Variants in SLC44A5 observed in about 807,000 individuals in gnomAD.
SLC44A5 encodes choline transporter-like protein 5.
SLC44A5 carries 57 observed loss-of-function variants against 101.8 expected under a neutral mutation model. The observed-to-expected ratio is 0.56, with a 90% CI of 0.45 to 0.70. The LOEUF (loss-of-function observed/expected upper bound fraction) is 0.70. SLC44A5 is among the 30% of genes least tolerant of loss of function. The pLI is 0.00. For synonymous variants in SLC44A5, 281 were observed against 290.9 expected, an observed-to-expected ratio of 0.97 and a Z score of 0.35; for missense variants, 737 against 853.1, an observed-to-expected ratio of 0.86 and a Z score of 1.70.
intron 1 of SLC44A5, among the ~76,000 whole-genome samples, chr1:75,557,298 C>T (rs554772639): frequency 2.0e-5 from 3 of 152,172 alleles, no homozygotes; most frequent in African/African-American, 7.2e-5. Context: ...ATGGATTTGA[C>T]ACAGTGTAAG....
At chr1:75,644,138 G>T in the SLC44A5 span, among the ~76,000 whole-genome samples, 2 of 152,006 alleles carry the variant, frequency 1.3e-5, no homozygotes, top group Admixed American at 6.6e-5. Flanking sequence ...GCAAGATAAT[G>T]GACATGTTTT....
intron 1 of SLC44A5, among the ~76,000 whole-genome samples, chr1:75,581,590 G>T (rs1486519235): frequency 2.0e-5 from 3 of 152,200 alleles, no homozygotes; most frequent in Non-Finnish European, 2.9e-5. Flanking sequence ...ATGTGGGAAA[G>T]GGGTACAGTA....
Position 75,202,803 on chromosome 1 carries a change from T to C in SLC44A5, c.*924A>G, listed in dbSNP as rs865977117. 1 of 152,158 alleles carries C rather than the reference T, an allele frequency of 6.6e-6. No homozygotes were observed. The allele number at this position is 152,158 out of a possible 1,614,324, so 9.4% of individuals were successfully genotyped here. ...ACTGAGAAATGCAGTATTATACCTATTGTATTTTCAAAGATCTACTATAGA... is the reference window on the plus strand; with the variant it reads ...ACTGAGAAATGCAGTATTATACCTACTGTATTTTCAAAGATCTACTATAGA... On this transcript the variant is annotated 3_prime_UTR_variant, in exon 24 of 24. Coordinates refer to ENST00000370859, the MANE Select transcript of SLC44A5 (RefSeq NM_001130058.2).
At chr1:75,530,934 T>C (rs1204783751) in intron 2 of SLC44A5, among the ~76,000 whole-genome samples, 2 of 152,150 alleles carry the variant, frequency 1.3e-5, no homozygotes, top group Non-Finnish European at 2.9e-5. Flanking sequence ...TTAATGAATA[T>C]TAAAGTGAGG....
At chr1:75,659,459 A>G in the SLC44A5 span, among the ~76,000 whole-genome samples, 41,089 of 81,742 alleles carry the variant, frequency 0.5, 11,095 homozygotes, top group Middle Eastern at 0.62. Context: ...GAAGGAAGGA[A>G]GGAAGGAAGG....
chr1:75,354,368 G>A (rs1658909584), intron 3 of SLC44A5, among the ~76,000 whole-genome samples: 1 of 152,190 alleles, frequency 6.6e-6, no homozygotes, highest in African/African-American at 2.4e-5. Flanking sequence ...AGCTGTGTTG[G>A]GAGAGAAGCT....
At chr1:75,666,422 T>C in the SLC44A5 span, among the ~76,000 whole-genome samples, 1 of 152,020 alleles carries the variant, frequency 6.6e-6, no homozygotes, top group South Asian at 2.1e-4. Flanking sequence ...ACCAATAACA[T>C]GTTCTGAAAT....
intron 3 of SLC44A5, among the ~76,000 whole-genome samples, chr1:75,341,127 G>A (rs941551726): frequency 1.3e-5 from 2 of 152,200 alleles, no homozygotes; most frequent in Non-Finnish European, 2.9e-5. Context: ...TCCTTGCCAT[G>A]AACACTGGTG....
intron 2 of SLC44A5, among the ~76,000 whole-genome samples, chr1:75,536,392 G>T (rs1181336131): frequency 6.6e-6 from 1 of 151,736 alleles, no homozygotes; most frequent in Non-Finnish European, 1.5e-5. Context: ...GAGGTCAGGA[G>T]ATCGAGACCA....
At chr1:75,353,514 T>C (rs998697251) in intron 3 of SLC44A5, among the ~76,000 whole-genome samples, 2 of 152,218 alleles carry the variant, frequency 1.3e-5, no homozygotes, top group African/African-American at 2.4e-5. Context: ...TGGATCATAG[T>C]AGATGCTGAT....
At chr1:75,425,519 A>G (rs1342722782) in intron 2 of SLC44A5, among the ~76,000 whole-genome samples, 2 of 152,218 alleles carry the variant, frequency 1.3e-5, no homozygotes, top group African/African-American at 4.8e-5. Context: ...TGGAAAAGAA[A>G]GAGGCTGCAC....
the SLC44A5 span, among the ~76,000 whole-genome samples, chr1:75,694,907 G>A: frequency 2.6e-5 from 4 of 152,240 alleles, no homozygotes; most frequent in African/African-American, 7.2e-5. Context: ...AGTTGGTTGG[G>A]ACGCTCAGCA....
intron 4 of SLC44A5, among the ~76,000 whole-genome samples, chr1:75,318,678 T>C (rs956380641): frequency 3.9e-5 from 6 of 152,162 alleles, no homozygotes; most frequent in African/African-American, 1.4e-4. Context: ...TTAACTTACA[T>C]TGTCCTCTGG....
chr1:75,541,225 G>A (rs1380981971), intron 2 of SLC44A5, among the ~76,000 whole-genome samples: 2 of 152,166 alleles, frequency 1.3e-5, no homozygotes, highest in African/African-American at 2.4e-5. Flanking sequence ...TCCAGGTATA[G>A]AAAGGAAGAC....
chr1:75,252,155 A>G (rs923477150), intron 6 of SLC44A5, among the ~76,000 whole-genome samples: 11 of 152,194 alleles, frequency 7.2e-5, no homozygotes, highest in Admixed American at 2.6e-4. Flanking sequence ...CCCAGGAATT[A>G]GTATGTTTTC....
the SLC44A5 span, among the ~76,000 whole-genome samples, chr1:75,621,984 C>T: frequency 6.6e-6 from 1 of 152,112 alleles, no homozygotes; most frequent in East Asian, 1.9e-4. Flanking sequence ...TTAAATAACA[C>T]TTCTTCCCTT....
chr1:75,227,685 A>C, intron 13 of SLC44A5, 41 bp downstream of exon 13: 8 of 1,493,698 alleles, frequency 5.4e-6, no homozygotes, highest in Non-Finnish European at 7.1e-6. Context: ...ATATTTTCTC[A>C]TTATTACAAT....
the SLC44A5 span, among the ~76,000 whole-genome samples, chr1:75,701,955 A>G: frequency 0.91 from 137,849 of 152,022 alleles, 62,709 homozygotes; most frequent in Non-Finnish European, 0.93. Flanking sequence ...TACAAGGGAC[A>G]TGAAGGACCT....
At chr1:75,319,490 G>T (rs921315936) in intron 4 of SLC44A5, among the ~76,000 whole-genome samples, 1 of 152,120 alleles carries the variant, frequency 6.6e-6, no homozygotes, top group East Asian at 1.9e-4. Context: ...TTATTAAAAT[G>T]TTTTTATTAT....
Sources: allele counts gnomAD v4.1 joint callset (sites outside exome capture counted in the v4.1 genomes callset), GRCh38; gene constraint gnomAD v4.1.1; transcripts MANE v1.5; gene names NCBI Gene and HGNC (gene_info 2026-07-23, HGNC 2026-07-21).